SMOC2: variants seen among roughly 807,000 people sequenced by gnomAD.
SMOC2 encodes SPARC-related modular calcium-binding protein 2.
A neutral mutation model predicts 61.4 loss-of-function variants in SMOC2; 39 were observed. The observed-to-expected ratio is 0.64, with a 90% CI of 0.49 to 0.83. The LOEUF (loss-of-function observed/expected upper bound fraction) is 0.83. Among genes scored for constraint, SMOC2 ranks in the 40% least tolerant of loss-of-function variants. The pLI, the probability that SMOC2 is intolerant of heterozygous loss-of-function variation, is 0.00. For missense variants in SMOC2, 556 were observed against 592.9 expected, an observed-to-expected ratio of 0.94 and a Z score of 0.65; for synonymous variants, 247 against 239.9, an observed-to-expected ratio of 1.03 and a Z score of -0.27.
chr6:168,580,441 A>G (rs1784895667), intron 7 of SMOC2, among the ~76,000 whole-genome samples: 1 of 152,216 alleles, frequency 6.6e-6, no homozygotes, highest in African/African-American at 2.4e-5. Context: ...TGGTGTGAAT[A>G]TGAATTCCCA....
At chr6:168,484,110 A>T (rs2115026091) in intron 1 of SMOC2, among the ~76,000 whole-genome samples, 1 of 152,290 alleles carries the variant, frequency 6.6e-6, no homozygotes, top group East Asian at 1.9e-4. Flanking sequence ...AGAAAAATTC[A>T]AAAATTGGTG....
chr6:168,496,909 G>A (rs188314412), intron 1 of SMOC2, among the ~76,000 whole-genome samples: 40 of 152,356 alleles, frequency 2.6e-4, no homozygotes, highest in African/African-American at 6.3e-4. Context: ...GTTTTAATGC[G>A]TGACCCAAGG....
intron 9 of SMOC2, among the ~76,000 whole-genome samples, chr6:168,627,962 G>A (rs1786457412): frequency 6.6e-6 from 1 of 152,170 alleles, no homozygotes; most frequent in African/African-American, 2.4e-5. Flanking sequence ...CTCCCACGGA[G>A]AAGCCTTCTG....
chr6:168,538,211 G>T (rs1783782573), intron 4 of SMOC2, among the ~76,000 whole-genome samples: 2 of 149,036 alleles, frequency 1.3e-5, no homozygotes, highest in Non-Finnish European at 3.0e-5. Context: ...GGGGAGTGGG[G>T]TGACCGCTGC....
At chr6:168,483,496 G>T (rs1237591706) in intron 1 of SMOC2, among the ~76,000 whole-genome samples, 1 of 152,110 alleles carries the variant, frequency 6.6e-6, no homozygotes. Context: ...GTACTGCTAA[G>T]TATTAGTATT....
chr6:168,617,515 A>C (rs2115225566), intron 9 of SMOC2, among the ~76,000 whole-genome samples: 1 of 152,172 alleles, frequency 6.6e-6, no homozygotes, highest in Non-Finnish European at 1.5e-5. Flanking sequence ...TTCAAGCAAA[A>C]GTTTAGGACT....
intron 9 of SMOC2, among the ~76,000 whole-genome samples, chr6:168,613,428 C>T (rs970003806): frequency 6.6e-6 from 1 of 152,134 alleles, no homozygotes; most frequent in Admixed American, 6.5e-5. Flanking sequence ...GCCCTGTACC[C>T]CAAGCCAGGG....
chr6:168,559,232 G>A (rs1784333800), intron 7 of SMOC2, among the ~76,000 whole-genome samples: 1 of 152,090 alleles, frequency 6.6e-6, no homozygotes. Flanking sequence ...AAGGTGGGTG[G>A]ATCACCTGAG....
chr6:168,590,517 G>A (rs1464645207), intron 7 of SMOC2, among the ~76,000 whole-genome samples: 3 of 152,122 alleles, frequency 2.0e-5, no homozygotes, highest in Admixed American at 6.5e-5. Flanking sequence ...CAGGAGCTTC[G>A]CGGGACCATG....
At chr6:168,576,379 G>A (rs569204497) in intron 7 of SMOC2, among the ~76,000 whole-genome samples, 11 of 152,200 alleles carry the variant, frequency 7.2e-5, no homozygotes, top group East Asian at 5.8e-4. Flanking sequence ...CACTAAGCAC[G>A]TTGTGATCTG....
At chr6:168,569,020 G>A (rs1784607580) in intron 7 of SMOC2, among the ~76,000 whole-genome samples, 1 of 152,206 alleles carries the variant, frequency 6.6e-6, no homozygotes, top group South Asian at 2.1e-4. Context: ...ACACTCATAT[G>A]TAGGTTTTTG....
chr6:168,653,540 A>T (rs1176378660), intron 11 of SMOC2, among the ~76,000 whole-genome samples: 3 of 152,194 alleles, frequency 2.0e-5, no homozygotes, highest in African/African-American at 7.2e-5. Context: ...TTGAGGTGCA[A>T]ACCTGGGAAC....
chr6:168,459,344 G>A (rs1781663277), intron 1 of SMOC2, among the ~76,000 whole-genome samples: 1 of 152,166 alleles, frequency 6.6e-6, no homozygotes, highest in Non-Finnish European at 1.5e-5. Flanking sequence ...GGGAATCTGG[G>A]CCATCGGCAG....
rs1783955252 is a variant in SMOC2 at position 168,544,926 on chromosome 6, G to C, written c.511+1254G>C. Reference sequence around the variant, plus strand: ...CTGGAAGGGGAAATATGTAACAGGTGTGAGCTGGAACAGAAGAAGCCTCAC... The same window carrying C: ...CTGGAAGGGGAAATATGTAACAGGTCTGAGCTGGAACAGAAGAAGCCTCAC... On this transcript the variant is annotated intron_variant, in intron 5 of 12. Coordinates refer to ENST00000356284, the MANE Select transcript of SMOC2 (RefSeq NM_001166412.2). This position sits in a 1 kb window ranked among gnomAD's most constrained non-coding sequence, Gnocchi z 4.1. Among the ~76,000 whole-genome samples, 1 of 152,140 alleles carries C rather than the reference G, an allele frequency of 6.6e-6. No homozygotes were observed. The highest frequency in any genetic ancestry group is 6.5e-5 in the Admixed American group (1 of 15,282).
chr6:168,447,031 C>T (rs940346806), intron 1 of SMOC2, among the ~76,000 whole-genome samples: 3 of 152,156 alleles, frequency 2.0e-5, no homozygotes, highest in Admixed American at 2.0e-4. Context: ...CAGCACATAT[C>T]TCTGCCCACT....
chr6:168,517,162 C>T lies in SMOC2; in HGVS notation c.256+7076C>T, dbSNP rs139412993. Among the ~76,000 whole-genome samples, 26 of 152,324 alleles carry T rather than the reference C, an allele frequency of 1.7e-4. No individual in the cohort carries two copies. The East Asian group carries it at 5.0e-3, about 29-fold the overall frequency. On this transcript the variant is annotated intron_variant, in intron 2 of 12. Coordinates refer to ENST00000356284, the MANE Select transcript of SMOC2 (RefSeq NM_001166412.2). ...GCTTCCCTGGAAAAGCTCCTTTCTT[C>T]AAGGTTGCCCCAGACAGTCAGCTGT... is the stretch of plus-strand genomic sequence containing the variant.
At chr6:168,556,520 G>A (rs964399858) in intron 7 of SMOC2, among the ~76,000 whole-genome samples, 10 of 151,924 alleles carry the variant, frequency 6.6e-5, no homozygotes, top group African/African-American at 2.2e-4. Context: ...CGCTGGAGGC[G>A]TCTGTTTCCT....
chr6:168,656,505 G>A (rs1452965884), intron 11 of SMOC2, among the ~76,000 whole-genome samples: 1 of 43,514 alleles, frequency 2.3e-5, no homozygotes, highest in Non-Finnish European at 5.3e-5. Flanking sequence ...AAGACTTTGT[G>A]TTAAAAAAAA....
At chr6:168,570,749 G>A (rs997882433) in intron 7 of SMOC2, among the ~76,000 whole-genome samples, 13 of 152,156 alleles carry the variant, frequency 8.5e-5, no homozygotes, top group African/African-American at 2.2e-4. Context: ...TGAAGATAAC[G>A]TAACTTTAAT....
Sources: gnomAD v4.1 joint callset for allele counts (sites outside exome capture counted in the v4.1 genomes callset) on GRCh38, gnomAD v4.1.1 for gene constraint, Gnocchi (gnomAD v3.1) non-coding constraint, MANE v1.5 for transcripts, NCBI Gene and HGNC (gene_info 2026-07-23, HGNC 2026-07-21) for gene names.